Variants in SLC35D1 observed in about 807,000 individuals in gnomAD.
The protein encoded by SLC35D1 is solute carrier family 35 member D1, also known as nucleotide sugar transporter SLC35D1.
SLC35D1 carries 31 observed loss-of-function variants against 46.7 expected under a neutral mutation model. The observed-to-expected ratio is 0.66, with a 90% CI of 0.50 to 0.90. The LOEUF is 0.90. Ranked by LOEUF, SLC35D1 falls within the 40% of genes least tolerant of loss-of-function variation. The pLI is 0.00. For missense variants in SLC35D1, 397 were observed against 426.2 expected (o/e 0.93, Z 0.60); for synonymous variants, 195 against 164.6 (o/e 1.18, Z -1.41).
intron 4 of SLC35D1, 66 bp from the exon 5 acceptor site, chr1:67,050,570 A>G (rs2102371032): frequency 7.6e-7 from 1 of 1,317,906 alleles, no homozygotes; most frequent in Non-Finnish European, 1.1e-6. Flanking sequence ...AAGATTTTCC[A>G]AATTGGTAGT....
At chr1:67,009,933 C>A (rs1121824) in intron 10 of SLC35D1, among the ~76,000 whole-genome samples, 88,220 of 152,046 alleles carry the variant, frequency 0.58, 27,770 homozygotes, top group East Asian at 0.84. Flanking sequence ...TGCAATCAAC[C>A]AAGATGCCCA....
intron 10 of SLC35D1, among the ~76,000 whole-genome samples, chr1:67,019,807 ACTTTAG>A (rs1667760341): frequency 6.6e-6 from 1 of 152,218 alleles, no homozygotes; most frequent in Non-Finnish European, 1.5e-5. Flanking sequence ...CAAGCCACCA[ACTTTAG>A]CTCAATATTC....
At chr1:66,992,166 T>C in the SLC35D1 span, among the ~76,000 whole-genome samples, 1 of 152,202 alleles carries the variant, frequency 6.6e-6, no homozygotes, top group African/African-American at 2.4e-5. Flanking sequence ...TTGACATGAA[T>C]TTCAGGTCAG....
downstream of SLC35D1, among the ~76,000 whole-genome samples, chr1:66,997,579 AC>A (rs1558144830): frequency 4.2e-5 from 6 of 141,328 alleles, no homozygotes; most frequent in East Asian, 1.2e-3. Flanking sequence ...GTATATATAT[AC>A]ACACACAGAT....
chr1:67,047,567 G>A (rs188261232), intron 6 of SLC35D1, among the ~76,000 whole-genome samples, 200 bp from the exon 7 acceptor site: 2 of 152,300 alleles, frequency 1.3e-5, no homozygotes, highest in Admixed American at 1.3e-4. Flanking sequence ...AGAAATAAGA[G>A]GCACTAACAT....
chr1:67,027,326 T>A (rs1374022896), intron 8 of SLC35D1, among the ~76,000 whole-genome samples: 5 of 152,108 alleles, frequency 3.3e-5, no homozygotes, highest in South Asian at 2.1e-4. Flanking sequence ...TAATCTTTTT[T>A]AAAAAAAATC....
the SLC35D1 span, chr1:66,985,919 A>C: frequency 0.25 from 245,771 of 979,626 alleles, 31,525 homozygotes; most frequent in Non-Finnish European, 0.26. Flanking sequence ...TGCATTTGCT[A>C]TAATTTTCAA....
chr1:67,040,840 A>T (rs984076274), intron 8 of SLC35D1, among the ~76,000 whole-genome samples: 15 of 152,188 alleles, frequency 9.9e-5, no homozygotes, highest in African/African-American at 3.6e-4. Flanking sequence ...TAATTCTTCC[A>T]ACTTTCTCAG....
intron 8 of SLC35D1, among the ~76,000 whole-genome samples, chr1:67,025,550 T>C (rs114628570): frequency 0.01 from 1,575 of 152,334 alleles, 30 homozygotes; most frequent in African/African-American, 0.036. Flanking sequence ...GATTTGACTA[T>C]ACTAAGTCCT....
chr1:67,043,158 C>T (rs1645212914), intron 7 of SLC35D1, among the ~76,000 whole-genome samples: 1 of 150,694 alleles, frequency 6.6e-6, no homozygotes, highest in South Asian at 2.1e-4. Flanking sequence ...CGCACCATTG[C>T]ACTTTAGCCT....
intron 8 of SLC35D1, among the ~76,000 whole-genome samples, chr1:67,036,274 G>A (rs1224784664): frequency 6.6e-6 from 1 of 152,110 alleles, no homozygotes; most frequent in African/African-American, 2.4e-5. Flanking sequence ...TGCTGAAACT[G>A]GGGTGTTGTA....
rs1289045722 is a variant in SLC35D1, at chr1:67,000,902, T to A, written c.*3438A>T. On this transcript the variant is annotated 3_prime_UTR_variant, in exon 12 of 12. Coordinates refer to ENST00000235345, the MANE Select transcript of SLC35D1 (RefSeq NM_015139.3). The stretch of plus-strand genomic sequence containing the variant: ...CAAAAGTCCTCTCGGATTAAAAAAA[T>A]GCTTTAGCTCTGTGGGGCGTCCCTA... 2 of 152,300 alleles carry A rather than the reference T, an allele frequency of 1.3e-5. No individual in the cohort carries two copies. The highest frequency in any genetic ancestry group is 2.9e-5 in the Non-Finnish European group (2 of 68,016). The allele number at this position is 152,300 out of a possible 1,614,324, so 9.4% of individuals were successfully genotyped here.
intron 8 of SLC35D1, among the ~76,000 whole-genome samples, chr1:67,034,070 A>T (rs528904707): frequency 6.6e-6 from 1 of 152,322 alleles, no homozygotes; most frequent in Admixed American, 6.5e-5. Flanking sequence ...TTATGACAGT[A>T]CCATGCTGTT....
the SLC35D1 span, among the ~76,000 whole-genome samples, chr1:66,981,173 C>T: frequency 6.6e-6 from 1 of 152,166 alleles, no homozygotes; most frequent in African/African-American, 2.4e-5. Flanking sequence ...TCACCAATGT[C>T]ACTTAACCAC....
chr1:67,049,507 A>G (rs1007408088), intron 6 of SLC35D1, among the ~76,000 whole-genome samples: 2 of 152,246 alleles, frequency 1.3e-5, no homozygotes, highest in Non-Finnish European at 2.9e-5. Flanking sequence ...TAAAATGCCA[A>G]ACATATTGTG....
chr1:67,005,473 C>T (rs1334042987), intron 11 of SLC35D1, among the ~76,000 whole-genome samples: 1 of 152,186 alleles, frequency 6.6e-6, no homozygotes, highest in Non-Finnish European at 1.5e-5. Context: ...ATAATACTAG[C>T]CATTCTCTGA....
rs565324129 is a variant in SLC35D1 at position 67,004,216 on chromosome 1, T to C, written c.*124A>G. On this transcript the variant is annotated 3_prime_UTR_variant, in exon 12 of 12. Coordinates refer to ENST00000235345, the MANE Select transcript of SLC35D1 (RefSeq NM_015139.3). ...AAGGCAGCAATCAATCCTCAGATTG[T>C]ACAAGTGCAAAGGAATGGTTATTTC... 2.5e-6 allele frequency: 2 copies of C among 809,900 alleles called. No individual in the cohort carries two copies. The highest frequency in any genetic ancestry group is 5.2e-5 in the East Asian group (2 of 38,648). 50.2% of individuals were successfully genotyped at this position (809,900 alleles called of 1,614,324 possible). A position where few individuals can be genotyped will look rare whatever the true frequency, so the allele number is the denominator to read the frequency against.
At chr1:67,017,644 A>AATTC (rs1667711778) in intron 10 of SLC35D1, among the ~76,000 whole-genome samples, 1 of 152,130 alleles carries the variant, frequency 6.6e-6, no homozygotes, top group African/African-American at 2.4e-5. Flanking sequence ...CTGCAATCTG[A>AATTC]AGATACCTCA....
intron 8 of SLC35D1, among the ~76,000 whole-genome samples, chr1:67,023,453 T>C (rs1178767718): frequency 6.6e-6 from 1 of 151,906 alleles, no homozygotes; most frequent in Non-Finnish European, 1.5e-5. Context: ...TAGCATTTCT[T>C]CTTTGGTGAA....
Sources: allele counts gnomAD v4.1 joint callset (sites outside exome capture counted in the v4.1 genomes callset), GRCh38; gene constraint gnomAD v4.1.1; transcripts MANE v1.5; gene names NCBI Gene and HGNC (gene_info 2026-07-23, HGNC 2026-07-21).